ATXN1: variants seen among roughly 807,000 people sequenced by gnomAD.
ATXN1 encodes ataxin-1.
Under a neutral mutation model 56.4 loss-of-function variants are expected in ATXN1, and 8 were observed. The observed-to-expected ratio is 0.14, with a 90% CI of 0.08 to 0.26. ATXN1 has a LOEUF of 0.26. Ranked by LOEUF, ATXN1 falls within the 10% of genes least tolerant of loss-of-function variation. The pLI is 1.00. For synonymous variants in ATXN1, 514 were observed against 494.6 expected (o/e 1.04, Z -0.52); for missense variants, 987 against 1,106.5 (o/e 0.89, Z 1.53).
chr6:16,516,263 C>G (rs1036536043), intron 5 of ATXN1, among the ~76,000 whole-genome samples: 1 of 152,170 alleles, frequency 6.6e-6, no homozygotes, highest in Non-Finnish European at 1.5e-5. Flanking sequence ...TGCTACAACA[C>G]CATCAGGAGC....
At position 16,604,083 on chromosome 6, in the gene ATXN1, G is replaced by C. The variant is rs76130767; in HGVS notation, c.-488-18176C>G. ...GGTCTCCTTATCTTGTCCTCTCATG[G>C]ATAAGGCTTCGTAAAGGGGGGATTC... On this transcript the variant is annotated intron_variant, in intron 3 of 7. Coordinates refer to ENST00000436367, the MANE Select transcript of ATXN1 (RefSeq NM_001128164.2). 3.7e-3 allele frequency among the ~76,000 whole-genome samples: 561 copies of C among 152,204 alleles called. 2 individuals carry two copies. The highest frequency in any genetic ancestry group is 0.013 in the African/African-American group (536 of 41,526).
At chr6:16,534,730 A>G (rs972170906) in intron 4 of ATXN1, among the ~76,000 whole-genome samples, 2 of 152,026 alleles carry the variant, frequency 1.3e-5, no homozygotes, top group African/African-American at 4.8e-5. Flanking sequence ...GTCCTTCATT[A>G]TTTTCGGCTT....
At chr6:16,638,889 C>T (rs729770) in intron 3 of ATXN1, among the ~76,000 whole-genome samples, 60,517 of 151,960 alleles carry the variant, frequency 0.4, 12,818 homozygotes, top group African/African-American at 0.54. Context: ...TATCATAGTG[C>T]AGCTAGTCGG....
At chr6:16,580,914 G>A (rs963949060) in intron 4 of ATXN1, among the ~76,000 whole-genome samples, 1 of 152,122 alleles carries the variant, frequency 6.6e-6, no homozygotes, top group Non-Finnish European at 1.5e-5. Flanking sequence ...GAAAAGGGAA[G>A]GGCATATTTA....
At chr6:16,311,722 T>G (rs1760395302) in intron 7 of ATXN1, among the ~76,000 whole-genome samples, 2 of 151,340 alleles carry the variant, frequency 1.3e-5, no homozygotes, top group African/African-American at 4.9e-5. Flanking sequence ...TAGATCCTCT[T>G]GCAAACCTCT....
At chr6:16,470,467 T>A (rs1038191797) in intron 6 of ATXN1, among the ~76,000 whole-genome samples, 3 of 152,188 alleles carry the variant, frequency 2.0e-5, no homozygotes, top group Admixed American at 6.5e-5. Flanking sequence ...CAGTAAATTT[T>A]ATGTTATGTG....
At chr6:16,562,986 AGAAAAC>A (rs371443744) in intron 4 of ATXN1, among the ~76,000 whole-genome samples, 1 of 152,014 alleles carries the variant, frequency 6.6e-6, no homozygotes, top group East Asian at 2.0e-4. Context: ...AGAGGGATCC[AGAAAAC>A]GAGGGGTCTT....
intron 3 of ATXN1, among the ~76,000 whole-genome samples, chr6:16,605,449 C>T (rs1359964996): frequency 6.6e-6 from 1 of 152,178 alleles, no homozygotes; most frequent in Non-Finnish European, 1.5e-5. Flanking sequence ...CCCTGCAAGG[C>T]TCCAGAGCTA....
chr6:16,500,658 G>C (rs1760865253), intron 5 of ATXN1, among the ~76,000 whole-genome samples: 1 of 151,416 alleles, frequency 6.6e-6, no homozygotes, highest in Non-Finnish European at 1.5e-5. Flanking sequence ...AAGGTACCTG[G>C]GTAGGGTTTT....
At chr6:16,452,537 A>C (rs934356579) in intron 6 of ATXN1, among the ~76,000 whole-genome samples, 2 of 152,250 alleles carry the variant, frequency 1.3e-5, no homozygotes, top group African/African-American at 4.8e-5. Flanking sequence ...CTCATTTGTG[A>C]ATCAAAACCA....
At chr6:16,551,606 T>G (rs2113728759) in intron 4 of ATXN1, among the ~76,000 whole-genome samples, 1 of 152,312 alleles carries the variant, frequency 6.6e-6, no homozygotes, top group South Asian at 2.1e-4. Context: ...TCTGAGGGAC[T>G]TCTGAAGATT....
chr6:16,543,437 C>T (rs1761752619), intron 4 of ATXN1, among the ~76,000 whole-genome samples: 1 of 152,052 alleles, frequency 6.6e-6, no homozygotes, highest in African/African-American at 2.4e-5. Context: ...AATGAACATC[C>T]TTTATCGGCT....
intron 6 of ATXN1, among the ~76,000 whole-genome samples, chr6:16,430,931 C>CG (rs1170631693): frequency 6.6e-6 from 1 of 152,054 alleles, no homozygotes; most frequent in African/African-American, 2.4e-5. Flanking sequence ...AAAAAAGAGG[C>CG]GGGAGAAATG....
intron 5 of ATXN1, among the ~76,000 whole-genome samples, chr6:16,487,005 C>T (rs753547983): frequency 2.0e-5 from 3 of 151,962 alleles, no homozygotes; most frequent in Non-Finnish European, 4.4e-5. Flanking sequence ...TTATTCATAT[C>T]CTGATCATTA....
At chr6:16,402,582 A>G (rs1758600048) in intron 6 of ATXN1, among the ~76,000 whole-genome samples, 1 of 152,208 alleles carries the variant, frequency 6.6e-6, no homozygotes, top group African/African-American at 2.4e-5. Context: ...ACTGCTTAGC[A>G]CCAGATCTAT....
intron 6 of ATXN1, among the ~76,000 whole-genome samples, chr6:16,481,995 C>G (rs1398376596): frequency 6.6e-6 from 1 of 151,784 alleles, no homozygotes; most frequent in Non-Finnish European, 1.5e-5. Context: ...TCCCCAAACT[C>G]TACTGATAGG....
At chr6:16,395,383 A>G (rs1433649744) in intron 6 of ATXN1, among the ~76,000 whole-genome samples, 1 of 151,978 alleles carries the variant, frequency 6.6e-6, no homozygotes, top group Non-Finnish European at 1.5e-5. Flanking sequence ...CTACTTGTAT[A>G]GTGGATATAA....
intron 6 of ATXN1, among the ~76,000 whole-genome samples, chr6:16,429,311 C>G (rs1759226669): frequency 6.7e-6 from 1 of 149,626 alleles, no homozygotes; most frequent in African/African-American, 2.5e-5. Flanking sequence ...TTCTCACTGG[C>G]ACTGCAAAAT....
Position 16,671,969 on chromosome 6 carries a change from G to A in ATXN1, c.-614-14068C>T, listed in dbSNP as rs962017566. ...TACCTTTGTTTTAAAATAGGTATTTGAGTTTCTACAGCAGTGTTTCTCCAA... is the reference window on the plus strand; with the variant it reads ...TACCTTTGTTTTAAAATAGGTATTTAAGTTTCTACAGCAGTGTTTCTCCAA... On this transcript the variant is annotated intron_variant, in intron 2 of 7. Transcript: ENST00000436367. Among the ~76,000 whole-genome samples the A allele has an allele frequency of 8.5e-5, 13 of 152,262 alleles. No homozygotes were observed. The Middle Eastern group carries it at 0.01, about 120-fold the overall frequency.
Sources: allele counts gnomAD v4.1 joint callset (sites outside exome capture counted in the v4.1 genomes callset), GRCh38; gene constraint gnomAD v4.1.1; transcripts MANE v1.5; gene names NCBI Gene and HGNC (gene_info 2026-07-23, HGNC 2026-07-21).